ITGA9: variants seen among roughly 807,000 people sequenced by gnomAD.
ITGA9 encodes integrin alpha-9.
ITGA9 carries 56 observed loss-of-function variants against 127.8 expected under a neutral mutation model. The observed-to-expected ratio is 0.44, with a 90% CI of 0.35 to 0.55. ITGA9 has a LOEUF of 0.55. Among genes scored for constraint, ITGA9 ranks in the 20% least tolerant of loss-of-function variants. The pLI, the probability that ITGA9 is intolerant of heterozygous loss-of-function variation, is 0.00. For synonymous variants in ITGA9, 508 were observed against 514.5 expected (o/e 0.99, Z 0.17); for missense variants, 1,196 against 1,347.1 (o/e 0.89, Z 1.76).
At chr3:37,561,107 C>T (rs1699482959) in intron 15 of ITGA9, among the ~76,000 whole-genome samples, 1 of 152,192 alleles carries the variant, frequency 6.6e-6, no homozygotes, top group African/African-American at 2.4e-5. Flanking sequence ...CAAATACAGC[C>T]CCATTCTGAG....
intron 18 of ITGA9, among the ~76,000 whole-genome samples, chr3:37,724,759 A>G (rs1238779632): frequency 6.6e-6 from 1 of 152,102 alleles, no homozygotes; most frequent in East Asian, 1.9e-4. Flanking sequence ...CAGCCTCCCA[A>G]ATTGCTGGGA....
At chr3:37,657,794 A>G (rs1700493612) in intron 17 of ITGA9, among the ~76,000 whole-genome samples, 2 of 152,022 alleles carry the variant, frequency 1.3e-5, no homozygotes, top group South Asian at 2.1e-4. Context: ...TAGGGTGTCA[A>G]TTTTAGATCT....
chr3:37,672,147 C>T (rs1481832365), intron 17 of ITGA9, among the ~76,000 whole-genome samples: 1 of 152,100 alleles, frequency 6.6e-6, no homozygotes, highest in Non-Finnish European at 1.5e-5. Context: ...TTTAGAGAAA[C>T]TAGGGCAGGA....
At chr3:37,576,452 AGTGTGAG>A (rs1375657414) in intron 15 of ITGA9, among the ~76,000 whole-genome samples, 2 of 152,220 alleles carry the variant, frequency 1.3e-5, no homozygotes, top group Non-Finnish European at 2.9e-5. Context: ...CAGTTACAAC[AGTGTGAG>A]GTGGGTGGTC....
intron 1 of ITGA9, among the ~76,000 whole-genome samples, chr3:37,460,184 G>A (rs1279616474): frequency 6.6e-6 from 1 of 152,158 alleles, no homozygotes; most frequent in Non-Finnish European, 1.5e-5. Context: ...AGCCATGGTG[G>A]CCAGTGTTTC....
chr3:37,660,551 T>A (rs2125651171), intron 17 of ITGA9, among the ~76,000 whole-genome samples: 1 of 152,326 alleles, frequency 6.6e-6, no homozygotes, highest in Non-Finnish European at 1.5e-5. Flanking sequence ...ACTGCCCCAG[T>A]CTGGCCTTTC....
At chr3:37,798,625 CG>C (rs1467429881) in intron 26 of ITGA9, among the ~76,000 whole-genome samples, 2 of 152,136 alleles carry the variant, frequency 1.3e-5, no homozygotes, top group Non-Finnish European at 2.9e-5. Flanking sequence ...TATTAACTTA[CG>C]GAAGGCTGAT....
chr3:37,616,865 C>T (rs543017474), intron 15 of ITGA9, among the ~76,000 whole-genome samples: 3 of 152,280 alleles, frequency 2.0e-5, no homozygotes, highest in South Asian at 2.1e-4. Flanking sequence ...TGTCTCTGCA[C>T]GTGAGATGGG....
chr3:37,680,697 G>A (rs1700726733), intron 17 of ITGA9, among the ~76,000 whole-genome samples: 1 of 152,158 alleles, frequency 6.6e-6, no homozygotes, highest in African/African-American at 2.4e-5. Context: ...TCTGATGTCA[G>A]GACTACTTAT....
intron 22 of ITGA9, among the ~76,000 whole-genome samples, chr3:37,744,261 C>G (rs1189526349): frequency 6.6e-6 from 1 of 152,202 alleles, no homozygotes; most frequent in Non-Finnish European, 1.5e-5. Context: ...GACAGGTCCA[C>G]GTCATGAATG....
intron 22 of ITGA9, among the ~76,000 whole-genome samples, chr3:37,745,108 C>T (rs1293458011): frequency 6.6e-6 from 1 of 152,326 alleles, no homozygotes; most frequent in East Asian, 1.9e-4. Flanking sequence ...TAATTATTTT[C>T]TTTCCTTGTG....
intron 15 of ITGA9, among the ~76,000 whole-genome samples, chr3:37,594,578 G>A (rs1485102254): frequency 6.6e-6 from 1 of 152,138 alleles, no homozygotes; most frequent in Non-Finnish European, 1.5e-5. Context: ...CACAGACTTG[G>A]GAGCCCCATG....
At chr3:37,544,914 G>A (rs1171662628) in intron 15 of ITGA9, among the ~76,000 whole-genome samples, 1 of 152,214 alleles carries the variant, frequency 6.6e-6, no homozygotes, top group Non-Finnish European at 1.5e-5. Flanking sequence ...GTTTATTTCT[G>A]GCAGTTACTG....
intron 27 of ITGA9, chr3:37,808,636 G>A (rs1216967327): frequency 6.6e-6 from 1 of 152,236 alleles, no homozygotes; most frequent in Non-Finnish European, 1.5e-5. Context: ...CAGGGATCCA[G>A]GAAGGGTTTG....
chr3:37,576,710 C>T (rs1390462184), intron 15 of ITGA9, among the ~76,000 whole-genome samples: 1 of 152,190 alleles, frequency 6.6e-6, no homozygotes, highest in Non-Finnish European at 1.5e-5. Flanking sequence ...AGGCTCAAGC[C>T]ATCCTCCCTC....
intron 18 of ITGA9, among the ~76,000 whole-genome samples, chr3:37,701,228 T>C (rs1338114331): frequency 2.0e-5 from 3 of 152,220 alleles, no homozygotes; most frequent in Non-Finnish European, 4.4e-5. Flanking sequence ...TGTAATCCTA[T>C]GGGCTTGAAA....
intron 17 of ITGA9, 97 bp downstream of exon 17, chr3:37,653,887 T>C: frequency 1.2e-6 from 1 of 845,142 alleles, no homozygotes; most frequent in South Asian, 1.4e-5. Context: ...CTGAAGAGGA[T>C]AAACAGAGTT....
At chr3:37,531,795 G>A (rs182476089) in intron 13 of ITGA9, among the ~76,000 whole-genome samples, 169 of 152,326 alleles carry the variant, frequency 1.1e-3, no homozygotes, top group African/African-American at 3.8e-3. Context: ...TGAATTCACC[G>A]GATCCCAGCC....
chr3:37,551,428 A>C (rs1699377378), intron 15 of ITGA9, among the ~76,000 whole-genome samples: 1 of 152,014 alleles, frequency 6.6e-6, no homozygotes, highest in Admixed American at 6.5e-5. Flanking sequence ...ACCTCCTGCA[A>C]CTGAATTTAG....
Sources: allele counts gnomAD v4.1 joint callset (sites outside exome capture counted in the v4.1 genomes callset), GRCh38; gene constraint gnomAD v4.1.1; transcripts MANE v1.5; gene names NCBI Gene and HGNC (gene_info 2026-07-23, HGNC 2026-07-21).